Variants in DISC1 observed in about 807,000 individuals in gnomAD.
DISC1 encodes DISC1 scaffold protein.
A neutral mutation model predicts 84.5 loss-of-function variants in DISC1; 57 were observed. The observed-to-expected ratio is 0.67, with a 90% CI of 0.55 to 0.84. The LOEUF (loss-of-function observed/expected upper bound fraction) is 0.84. DISC1 is among the 40% of genes least tolerant of loss of function. The pLI is 0.00. For missense variants in DISC1, 1,000 were observed against 1,057.8 expected (o/e 0.95, Z 0.76); for synonymous variants, 411 against 415.2 (o/e 0.99, Z 0.12).
rs1667866851 is a variant in DISC1 at position 232,009,847 on chromosome 1, G to A, written c.2307+798G>A. On this transcript the variant is annotated intron_variant, in intron 11 of 12. Transcript: ENST00000439617. The surrounding 1 kb of genome is among the most constrained non-coding windows in gnomAD (Gnocchi z 4.6). ...GTGTTGTGAGTGTGGAAAGGAAATA[G>A]CATGGAGAGGCTGGAGGAACTTGAC... is the stretch of plus-strand genomic sequence containing the variant. Among the ~76,000 whole-genome samples the A allele has an allele frequency of 6.6e-6, 1 of 152,116 alleles. No individual in the cohort carries two copies. The highest frequency in any genetic ancestry group is 2.1e-4 in the South Asian group (1 of 4,824).
At chr1:231,746,838 G>A (rs560036001) in intron 3 of DISC1, among the ~76,000 whole-genome samples, 1 of 152,108 alleles carries the variant, frequency 6.6e-6, no homozygotes, top group African/African-American at 2.4e-5. Context: ...TCAGTTCCTT[G>A]TATATTCTGG....
intron 1 of DISC1, among the ~76,000 whole-genome samples, chr1:231,642,750 AT>A (rs145774229): frequency 0.03 from 4,518 of 152,258 alleles, 221 homozygotes; most frequent in African/African-American, 0.1. Context: ...GGCTCAGAAA[AT>A]TCCCTGCTCT....
At position 231,897,715 on chromosome 1, in the gene DISC1, A is replaced by G. The variant is rs1477014418; in HGVS notation, c.1982-61113A>G. On this transcript the variant is annotated intron_variant, in intron 9 of 12. Coordinates refer to ENST00000439617, the MANE Select transcript of DISC1 (RefSeq NM_018662.3). The surrounding 1 kb of genome is among the most constrained non-coding windows in gnomAD (Gnocchi z 4.5). Reference sequence around the variant, plus strand: ...ACAGGGCCTCCTGGTGCATTGAAACACCTGGTTTACTTCACACTTGATCAC... The same window carrying G: ...ACAGGGCCTCCTGGTGCATTGAAACGCCTGGTTTACTTCACACTTGATCAC... 1.3e-5 allele frequency among the ~76,000 whole-genome samples: 2 copies of G among 152,134 alleles called. No individual in the cohort carries two copies. Among genetic ancestry groups the G allele is most frequent in the Non-Finnish European group, 2.9e-5 (2 of 68,014 alleles).
chr1:231,982,206 G>A (rs1663706416), intron 10 of DISC1, among the ~76,000 whole-genome samples: 1 of 152,154 alleles, frequency 6.6e-6, no homozygotes, highest in African/African-American at 2.4e-5. Flanking sequence ...GTGATTCCAG[G>A]ATTTTAAGCG....
intron 1 of DISC1, among the ~76,000 whole-genome samples, chr1:231,692,186 G>A (rs1472791900): frequency 2.0e-5 from 3 of 152,148 alleles, no homozygotes; most frequent in South Asian, 4.1e-4. Flanking sequence ...GAATAGTACC[G>A]ATCTCCTAGG....
Position 231,694,792 on chromosome 1 carries a change from G to C in DISC1, c.1034G>C (p.Arg345Pro). ...PVLRDCLLRNRRQMEVISLRL... is the reference protein window; with the variant it reads ...PVLRDCLLRNPRQMEVISLRL... ...CTGCGGGACTGCCTGCTGAGAAACC[G>C]GAGGCAGATGGAGGTCAGTGTCTCT... Residue 345 changes from arginine (R) to proline (P), a missense_variant, in exon 2 of 13, where the codon CGG becomes CCG. Coordinates refer to ENST00000439617, the MANE Select transcript of DISC1 (RefSeq NM_018662.3). 6.2e-7 allele frequency: 1 copy of C among 1,613,626 alleles called. No individual in the cohort carries two copies. Among genetic ancestry groups the C allele is most frequent in the Non-Finnish European group, 8.5e-7 (1 of 1,179,988 alleles).
intron 8 of DISC1, 34 bp downstream of exon 8, chr1:231,800,244 C>A: frequency 6.6e-7 from 1 of 1,509,592 alleles, no homozygotes; most frequent in Non-Finnish European, 9.2e-7. Flanking sequence ...TGAAGCTATC[C>A]AACTAAAATA....
At chr1:231,809,914 G>A (rs1386978213) in intron 8 of DISC1, among the ~76,000 whole-genome samples, 1 of 152,040 alleles carries the variant, frequency 6.6e-6, no homozygotes, top group Admixed American at 6.5e-5. Context: ...CATGTCAATT[G>A]TCAAACAAGG....
At chr1:231,911,511 T>C (rs186843513) in intron 9 of DISC1, among the ~76,000 whole-genome samples, 1 of 152,354 alleles carries the variant, frequency 6.6e-6, no homozygotes, top group Admixed American at 6.5e-5. Flanking sequence ...GCCCCCACTC[T>C]TCTGGCTTGT....
intron 3 of DISC1, among the ~76,000 whole-genome samples, chr1:231,732,532 A>T (rs2071657852): frequency 6.6e-6 from 1 of 152,260 alleles, no homozygotes; most frequent in Admixed American, 6.5e-5. Context: ...AGTATAAATA[A>T]AAGAAAAATA....
At chr1:231,768,446 A>G (rs2076317193) in intron 5 of DISC1, among the ~76,000 whole-genome samples, 2 of 152,250 alleles carry the variant, frequency 1.3e-5, no homozygotes, top group African/African-American at 4.8e-5. Flanking sequence ...GCACTTACAC[A>G]GTCAATGTGC....
At chr1:232,003,446 A>G (rs1392984494) in intron 10 of DISC1, among the ~76,000 whole-genome samples, 1 of 152,182 alleles carries the variant, frequency 6.6e-6, no homozygotes, top group African/African-American at 2.4e-5. Context: ...GGTATCTAAC[A>G]TCATAATCTG....
At position 231,886,762 on chromosome 1, in the gene DISC1, C is replaced by T. The variant is rs532238401; in HGVS notation, c.1981+68245C>T. Reference sequence around the variant, plus strand: ...CTTTCTCTTTCTTCCTTTCTTCCTTCCTTCCTTTCTTTCTTTCTTTCTTTC... The same window carrying T: ...CTTTCTCTTTCTTCCTTTCTTCCTTTCTTCCTTTCTTTCTTTCTTTCTTTC... On this transcript the variant is annotated intron_variant, in intron 9 of 12. Transcript: ENST00000439617. Among the ~76,000 whole-genome samples, 1,138 of 119,024 alleles carry T rather than the reference C, an allele frequency of 9.6e-3. 22 individuals carry two copies. The highest frequency in any genetic ancestry group is 0.035 in the African/African-American group (1,074 of 30,902). The allele number at this position is 119,024 out of a possible 152,430, so 78.1% of individuals were successfully genotyped here.
intron 9 of DISC1, among the ~76,000 whole-genome samples, chr1:231,910,564 T>C (rs1262616866): frequency 2.6e-5 from 4 of 152,230 alleles, no homozygotes; most frequent in Non-Finnish European, 5.9e-5. Context: ...TTCTGTTCTT[T>C]TACATTTTCT....
chr1:232,014,062 A>G (rs821638), intron 11 of DISC1, among the ~76,000 whole-genome samples: 52,498 of 151,966 alleles, frequency 0.35, 9,328 homozygotes, highest in East Asian at 0.42. Flanking sequence ...CACAACATAA[A>G]TATCTCCATT....
chr1:231,796,756 C>G (rs1206807481), intron 7 of DISC1, among the ~76,000 whole-genome samples: 7 of 152,156 alleles, frequency 4.6e-5, no homozygotes, highest in Non-Finnish European at 1.0e-4. Context: ...GGTTCTTTCA[C>G]CCAGGCTGGA....
At chr1:231,787,171 T>C (rs2077942092) in intron 6 of DISC1, among the ~76,000 whole-genome samples, 1 of 152,198 alleles carries the variant, frequency 6.6e-6, no homozygotes, top group Non-Finnish European at 1.5e-5. Context: ...TGTTAGTTGC[T>C]GTTAGATTGG....
At chr1:231,756,332 T>TATCTGTTTCTTAAATAC (rs1364623429) in intron 4 of DISC1, among the ~76,000 whole-genome samples, 4 of 152,222 alleles carry the variant, frequency 2.6e-5, no homozygotes, top group Admixed American at 6.5e-5. Context: ...TTTTCTTGAA[T>TATCTGTTTCTTAAATAC]ATCTGTTTAC....
chr1:231,881,060 T>C (rs989078961), intron 9 of DISC1, among the ~76,000 whole-genome samples: 14 of 152,136 alleles, frequency 9.2e-5, no homozygotes, highest in African/African-American at 3.4e-4. Context: ...GGGTTTATTT[T>C]CCTTTCTCCC....
Sources: gnomAD v4.1 joint callset for allele counts (sites outside exome capture counted in the v4.1 genomes callset) on GRCh38, gnomAD v4.1.1 for gene constraint, Gnocchi (gnomAD v3.1) non-coding constraint, MANE v1.5 for transcripts, NCBI Gene and HGNC (gene_info 2026-07-23, HGNC 2026-07-21) for gene names.